Variants in PBRM1 observed in about 807,000 individuals in gnomAD.
The protein encoded by PBRM1 is polybromo 1.
PBRM1 carries 27 observed loss-of-function variants against 194.5 expected under a neutral mutation model. That is an observed-to-expected ratio of 0.14 (90% CI 0.10 to 0.19). PBRM1 has a LOEUF of 0.19. Among genes scored for constraint, PBRM1 ranks in the 10% least tolerant of loss-of-function variants. PBRM1 has a pLI of 1.00. For missense variants in PBRM1, 1,466 were observed against 2,077.2 expected (o/e 0.71, Z 5.72); for synonymous variants, 655 against 693.2 (o/e 0.94, Z 0.87).
At chr3:52,685,854 C>T (rs775193151), upstream of PBRM1, 2 of 505,962 alleles carry the variant, frequency 4.0e-6, no homozygotes, top group Non-Finnish European at 7.0e-6. Context: ...CGGCCGCTGC[C>T]GTCGCTTCGG....
At chr3:52,561,824 G>A (rs2153489907) in exon 25 of PBRM1, 1 of 1,614,096 alleles carries the variant, frequency 6.2e-7, no homozygotes, top group Non-Finnish European at 8.5e-7. Flanking sequence ...CCCACCAGGC[G>A]GCTGAGCTCC....
At chr3:52,575,672 ATT>A (rs35495289) in intron 22 of PBRM1, among the ~76,000 whole-genome samples, 80 of 122,532 alleles carry the variant, frequency 6.5e-4, no homozygotes, top group Admixed American at 7.6e-4. Context: ...TGCCCAAATA[ATT>A]TTTTTTTTTT....
chr3:52,683,218 A>AT (rs2097242017), upstream of PBRM1, among the ~76,000 whole-genome samples: 2 of 151,536 alleles, frequency 1.3e-5, no homozygotes, highest in African/African-American at 2.4e-5. Context: ...AATAATAAAA[A>AT]AAAAAATTAG....
At chr3:52,558,188 G>GAA in intron 26 of PBRM1, 61 bp downstream of exon 28, 46 of 1,172,656 alleles carry the variant, frequency 3.9e-5, no homozygotes, top group Non-Finnish European at 4.9e-5. Context: ...CCTTATTGGA[G>GAA]AAAAAAAAAA....
intron 2 of PBRM1, among the ~76,000 whole-genome samples, chr3:52,674,059 A>AT (rs1410964016): frequency 6.2e-4 from 93 of 150,826 alleles, no homozygotes; most frequent in Admixed American, 1.1e-3. Flanking sequence ...TCAAAAAAAA[A>AT]ATATATATAT....
chr3:52,610,156 A>AATATAATTG (rs1352007571), intron 15 of PBRM1, among the ~76,000 whole-genome samples: 1 of 152,300 alleles, frequency 6.6e-6, no homozygotes, highest in Admixed American at 6.5e-5. Flanking sequence ...TTTTGATGGG[A>AATATAATTG]GACTACTGTA....
intron 16 of PBRM1, among the ~76,000 whole-genome samples, chr3:52,607,080 T>C (rs1011320919): frequency 1.8e-4 from 27 of 152,324 alleles, no homozygotes; most frequent in Non-Finnish European, 3.5e-4. Context: ...GTAGACTTCA[T>C]TGAATTTATG....
At chr3:52,637,524 G>A (rs1002950698) in intron 10 of PBRM1, among the ~76,000 whole-genome samples, 2 of 151,842 alleles carry the variant, frequency 1.3e-5, no homozygotes, top group Admixed American at 6.6e-5. Flanking sequence ...TCCCAGCTAC[G>A]CCAGAGGCTG....
chr3:52,589,006 G>A, intron 18 of PBRM1, 64 bp downstream of exon 20: 9 of 1,193,696 alleles, frequency 7.5e-6, no homozygotes, highest in Non-Finnish European at 1.1e-5. Flanking sequence ...TCTTCCCTGA[G>A]GAGCAAGGAG....
intron 22 of PBRM1, among the ~76,000 whole-genome samples, chr3:52,566,479 T>G (rs2085249180): frequency 6.6e-6 from 1 of 152,154 alleles, no homozygotes; most frequent in South Asian, 2.1e-4. Context: ...ATATACAGCC[T>G]TAGGAATAAA....
intron 1 of PBRM1, 51 bp downstream of exon 2, chr3:52,679,523 A>G (rs1431693949): frequency 6.5e-7 from 1 of 1,526,730 alleles, no homozygotes; most frequent in Non-Finnish European, 9.0e-7. Context: ...AAGGGAAGAT[A>G]GGGGAATTGT....
intron 16 of PBRM1, among the ~76,000 whole-genome samples, chr3:52,608,457 CTA>C (rs569224729): frequency 1.4e-4 from 21 of 152,234 alleles, no homozygotes; most frequent in African/African-American, 4.6e-4. Flanking sequence ...GCAAATGTTA[CTA>C]TGTTTTTTTT....
intron 28 of PBRM1, 24 bp downstream of exon 30, chr3:52,550,723 A>G (rs370800161): frequency 1.2e-6 from 2 of 1,602,430 alleles, no homozygotes; most frequent in South Asian, 2.2e-5. Flanking sequence ...GTCAAGTCCT[A>G]GAAAATCAAA....
At chr3:52,563,365 T>C in exon 24 of PBRM1, 1 of 1,614,088 alleles carries the variant, frequency 6.2e-7, no homozygotes, top group Non-Finnish European at 8.5e-7. Context: ...TTCAATGACC[T>C]CACTATCTTC....
At chr3:52,591,397 T>C (rs1340441103) in intron 17 of PBRM1, among the ~76,000 whole-genome samples, 1 of 152,152 alleles carries the variant, frequency 6.6e-6, no homozygotes, top group African/African-American at 2.4e-5. Context: ...GGCTTTGTAA[T>C]AGATGGCTCT....
intron 3 of PBRM1, 72 bp downstream of exon 4, chr3:52,668,426 T>C (rs1374159175): frequency 7.0e-6 from 8 of 1,142,598 alleles, no homozygotes; most frequent in Admixed American, 3.0e-5. Context: ...GCCAGGTTTA[T>C]AAATATTAAG....
chr3:52,603,838 T>G, intron 16 of PBRM1, 106 bp from the exon 19 acceptor site: 2 of 966,550 alleles, frequency 2.1e-6, no homozygotes, highest in Admixed American at 2.5e-5. Context: ...TATAGTGGTA[T>G]TTCTGTACAG....
chr3:52,579,293 T>A, intron 20 of PBRM1, 94 bp from the exon 23 acceptor site: 2 of 1,230,486 alleles, frequency 1.6e-6, no homozygotes, highest in Non-Finnish European at 2.4e-6. Context: ...CACATTAACT[T>A]AAAAGAAAAA....
chr3:52,659,215 G>A (rs1056509296), intron 4 of PBRM1, among the ~76,000 whole-genome samples: 11 of 152,176 alleles, frequency 7.2e-5, no homozygotes, highest in African/African-American at 2.4e-4. Context: ...GCCCCAAAGA[G>A]TACTTGACCA....
Sources: allele counts gnomAD v4.1 joint callset (sites outside exome capture counted in the v4.1 genomes callset), GRCh38; gene constraint gnomAD v4.1.1; transcripts MANE v1.5; gene names NCBI Gene and HGNC (gene_info 2026-07-23, HGNC 2026-07-21).